Variants in PSMD13 observed in about 807,000 individuals in gnomAD.
PSMD13 encodes the protein proteasome 26S subunit, non-ATPase 13, also known as 26S proteasome non-ATPase regulatory subunit 13.
Under a neutral mutation model 57.4 loss-of-function variants are expected in PSMD13, and 8 were observed. That is an observed-to-expected ratio of 0.14 (90% CI 0.08 to 0.25). The LOEUF (loss-of-function observed/expected upper bound fraction) is 0.25. Among genes scored for constraint, PSMD13 ranks in the 10% least tolerant of loss-of-function variants. The probability of loss-of-function intolerance (pLI) is 1.00; values close to 1 mark genes in which losing one functional copy is unlikely to be tolerated. For missense variants in PSMD13, 400 were observed against 461.5 expected (o/e 0.87, Z 1.22); for synonymous variants, 193 against 168.2 (o/e 1.15, Z -1.14).
chr11:250,037 G>GA (rs375185302), intron 9 of PSMD13, among the ~76,000 whole-genome samples: 159 of 144,176 alleles, frequency 1.1e-3, no homozygotes, highest in Admixed American at 1.8e-3. Context: ...GCAATTTAAA[G>GA]AAAAAAAAAA....
At position 251,772 on chromosome 11, in the gene PSMD13, G is replaced by A. The variant is rs754581407; in HGVS notation, c.919-48G>A. Reference sequence around the variant, plus strand: ...TCTCACAAGCCATCTGGGTCCATGGGGGTGTGTCAGGCTATCTTGTCTTAC... The same window carrying A: ...TCTCACAAGCCATCTGGGTCCATGGAGGTGTGTCAGGCTATCTTGTCTTAC... On this transcript the variant is annotated intron_variant, in intron 11 of 12. Coordinates refer to ENST00000532097, the MANE Select transcript of PSMD13 (RefSeq NM_002817.4). The surrounding 1 kb of genome is among the most constrained non-coding windows in gnomAD (Gnocchi z 4.6). 16 of 1,581,072 alleles carry A rather than the reference G, an allele frequency of 1.0e-5. No homozygotes were observed. In the South Asian group the frequency reaches 1.8e-4, roughly 18 times the overall value.
At position 252,684 on chromosome 11, in the gene PSMD13, G is replaced by A. The variant is rs1859791761; in HGVS notation, c.*84G>A. On this transcript the variant is annotated 3_prime_UTR_variant, in exon 13 of 13. Coordinates refer to ENST00000532097, the MANE Select transcript of PSMD13 (RefSeq NM_002817.4). This position sits in a 1 kb window ranked among gnomAD's most constrained non-coding sequence, Gnocchi z 4.1. ...AATGAAGCTGGCTGCTCAGACGGTC[G>A]ACATTGAATTTGGGTGGGGGTTGGG... 5.4e-5 allele frequency: 71 copies of A among 1,315,390 alleles called. No homozygotes were observed. Among genetic ancestry groups the A allele is most frequent in the Middle Eastern group, 2.4e-4 (1 of 4,184 alleles). The allele number at this position is 1,315,390 out of a possible 1,614,324, so 81.5% of individuals were successfully genotyped here.
In PSMD13 at chr11:251,655, G is replaced by T. The variant is rs1453464392; in HGVS notation, c.918+29G>T. The T allele has an allele frequency of 1.3e-6, 2 of 1,594,296 alleles. No individual in the cohort carries two copies. Among genetic ancestry groups the T allele is most frequent in the Non-Finnish European group, 1.7e-6 (2 of 1,163,678 alleles). ...CGGTCCCTAGGCTCAGGGTGTTAGA[G>T]CAGCAAAGCTGCCACATGGAGGAGT... On this transcript the variant is annotated intron_variant, in intron 11 of 12. Transcript: ENST00000532097. The surrounding 1 kb of genome is among the most constrained non-coding windows in gnomAD (Gnocchi z 4.6).
In PSMD13 at chr11:244,198, G is replaced by A. The variant is rs1454518657; in HGVS notation, c.247G>A (p.Val83Ile). 8.1e-6 allele frequency: 13 copies of A among 1,610,338 alleles called. No homozygotes were observed. The highest frequency in any genetic ancestry group is 2.7e-5 in the African/African-American group (2 of 74,798). The change falls in exon 4 of 13, where the codon GTA (valine) becomes ATA (isoleucine). Residue 83 changes from valine to isoleucine, a missense_variant. Coordinates refer to ENST00000532097, the MANE Select transcript of PSMD13 (RefSeq NM_002817.4). ...PLSLVEIILH[V>I]VRQMTDPNVA... is the part of the protein sequence containing the mutation. The stretch of plus-strand genomic sequence containing the variant: ...GTCCCTCGTGGAAATCATTCTTCAT[G>A]TAGTTAGACAGATGACTGGTAAGTC...
Position 247,392 on chromosome 11 carries a change from C to T in PSMD13, c.512C>T (p.Ser171Phe). The T allele has an allele frequency of 1.9e-6, 3 of 1,614,130 alleles. No homozygotes were observed. The highest frequency in any genetic ancestry group is 2.5e-6 in the Non-Finnish European group (3 of 1,179,998). Residue 171 changes from serine (S) to phenylalanine (F), a missense_variant, in exon 7 of 13, where the codon TCC (serine) becomes TTC (phenylalanine). By Grantham distance (155) the Ser-to-Phe change is radical. Transcript: ENST00000532097. Reference protein sequence around the residue: ...KYYQTIGNHASYYKDALRFLG... With the variant: ...KYYQTIGNHAFYYKDALRFLG... Reference sequence around the variant, plus strand: ...TATCAAACAATCGGAAACCACGCGTCCTACTACAAAGATGCTCTGCGGTTT... The same window carrying T: ...TATCAAACAATCGGAAACCACGCGTTCTACTACAAAGATGCTCTGCGGTTT...
chr11:252,463 C>G lies in PSMD13; in HGVS notation c.1036-42C>G, dbSNP rs553415647. On this transcript the variant is annotated intron_variant, in intron 12 of 12. Coordinates refer to ENST00000532097, the MANE Select transcript of PSMD13 (RefSeq NM_002817.4). The surrounding 1 kb of genome is among the most constrained non-coding windows in gnomAD (Gnocchi z 4.1). ...GTGCCGGCCGCTCGGCCTGTGTCTC[C>G]TGCGTGTCTTAACGTCCCTTGTGTC... is the stretch of plus-strand genomic sequence containing the variant. The G allele has an allele frequency of 3.8e-6, 6 of 1,598,642 alleles. No homozygotes were observed. Among genetic ancestry groups the G allele is most frequent in the Non-Finnish European group, 4.3e-6 (5 of 1,166,234 alleles).
In PSMD13 at chr11:251,406, T is replaced by C. The variant is rs1259381811; in HGVS notation, c.838-140T>C. Reference sequence around the variant, plus strand: ...AAGCTTGTTCTTAACAAGATATATGTCTAATATTAGGAAACTTTTTAGTAT... The same window carrying C: ...AAGCTTGTTCTTAACAAGATATATGCCTAATATTAGGAAACTTTTTAGTAT... On this transcript the variant is annotated intron_variant, in intron 10 of 12. Coordinates refer to ENST00000532097, the MANE Select transcript of PSMD13 (RefSeq NM_002817.4). This position sits in a 1 kb window ranked among gnomAD's most constrained non-coding sequence, Gnocchi z 4.6. 5 of 707,128 alleles carry C rather than the reference T, an allele frequency of 7.1e-6. No individual in the cohort carries two copies. Among genetic ancestry groups the C allele is most frequent in the Non-Finnish European group, 1.2e-5 (5 of 427,744 alleles). 43.8% of individuals were successfully genotyped at this position (707,128 alleles called of 1,614,324 possible). A position where few individuals can be genotyped will look rare whatever the true frequency, so the allele number is the denominator to read the frequency against.
Position 252,350 on chromosome 11 carries a change from C to G in PSMD13, c.1036-155C>G. ...GTGAAAAGAATTAACCCGGCAAGTCCCGTCCCACTCCCCCAGCTCAGAGGT... is the reference window on the plus strand; with the variant it reads ...GTGAAAAGAATTAACCCGGCAAGTCGCGTCCCACTCCCCCAGCTCAGAGGT... On this transcript the variant is annotated intron_variant, in intron 12 of 12. Coordinates refer to ENST00000532097, the MANE Select transcript of PSMD13 (RefSeq NM_002817.4). This position sits in a 1 kb window ranked among gnomAD's most constrained non-coding sequence, Gnocchi z 4.1. The G allele has an allele frequency of 1.5e-6, 1 of 673,182 alleles. No individual in the cohort carries two copies. The highest frequency in any genetic ancestry group is 2.6e-6 in the Non-Finnish European group (1 of 380,700). 41.7% of individuals were successfully genotyped at this position (673,182 alleles called of 1,614,324 possible).
chr11:252,702 G>T lies in PSMD13; in HGVS notation c.*102G>T, dbSNP rs1232881836. ...GACGGTCGACATTGAATTTGGGTGG[G>T]GGTTGGGATCCTGTCTGAAGTACAG... On this transcript the variant is annotated 3_prime_UTR_variant, in exon 13 of 13. Coordinates refer to ENST00000532097, the MANE Select transcript of PSMD13 (RefSeq NM_002817.4). This position sits in a 1 kb window ranked among gnomAD's most constrained non-coding sequence, Gnocchi z 4.1. 1.3e-5 allele frequency: 14 copies of T among 1,107,070 alleles called. 1 individual carries two copies. The highest frequency in any genetic ancestry group is 1.8e-5 in the Non-Finnish European group (13 of 739,790). 68.6% of individuals were successfully genotyped at this position (1,107,070 alleles called of 1,614,324 possible).
At chr11:238,505 A>G (rs1859437680) in intron 1 of PSMD13, among the ~76,000 whole-genome samples, 2 of 152,174 alleles carry the variant, frequency 1.3e-5, no homozygotes, top group Admixed American at 1.3e-4. Flanking sequence ...AGTATCCCTT[A>G]TCAGAAATGC....
rs773191693 is a variant in PSMD13 at position 244,091 on chromosome 11, C to T, written c.209+16C>T. On this transcript the variant is annotated intron_variant, in intron 3 of 12. Transcript: ENST00000532097. Reference sequence around the variant, plus strand: ...TTGAACACAGGTAAAAGCCTCTCATCCGTTTTTCACTTTGAAAATGAGTGC... The same window carrying T: ...TTGAACACAGGTAAAAGCCTCTCATTCGTTTTTCACTTTGAAAATGAGTGC... 1 of 1,609,020 alleles carries T rather than the reference C, an allele frequency of 6.2e-7. No homozygotes were observed. The highest frequency in any genetic ancestry group is 8.5e-7 in the Non-Finnish European group (1 of 1,177,232).
chr11:241,692 T>C (rs1011679294), intron 2 of PSMD13, among the ~76,000 whole-genome samples: 1 of 152,230 alleles, frequency 6.6e-6, no homozygotes, highest in South Asian at 2.1e-4. Flanking sequence ...GTGAGTCTGG[T>C]TCGTTACCCC....
chr11:237,981 G>A lies in PSMD13; in HGVS notation c.95+837G>A, dbSNP rs145486571. On this transcript the variant is annotated intron_variant, in intron 1 of 12. Transcript: ENST00000532097. ...ATGTTTTGATGATGTTTAGCATTCA[G>A]CAGCCTTCTGCTATTAGCAGTTTTT... is the stretch of plus-strand genomic sequence containing the variant. Among the ~76,000 whole-genome samples the A allele has an allele frequency of 1.4e-3, 206 of 152,344 alleles. 2 individuals are homozygous for A. The highest frequency in any genetic ancestry group is 4.8e-3 in the African/African-American group (199 of 41,580).
chr11:237,693 C>T (rs891114502), intron 1 of PSMD13, among the ~76,000 whole-genome samples: 1 of 152,220 alleles, frequency 6.6e-6, no homozygotes, highest in Non-Finnish European at 1.5e-5. Flanking sequence ...GCAACCACTT[C>T]CGCCGTCCCA....
intron 2 of PSMD13, among the ~76,000 whole-genome samples, chr11:239,999 A>T (rs548845463): frequency 6.6e-6 from 1 of 150,542 alleles, no homozygotes; most frequent in East Asian, 2.0e-4. Flanking sequence ...CATCAATTTG[A>T]CATTTTACTA....
At chr11:239,207 T>C (rs1859464245) in intron 2 of PSMD13, 131 bp downstream of exon 2, 1 of 859,398 alleles carries the variant, frequency 1.2e-6, no homozygotes, top group Non-Finnish European at 1.9e-6. Context: ...GGTACTGGTC[T>C]GAGCGCTTCA....
rs1398500247 is a variant in PSMD13 at position 252,155 on chromosome 11, C to G, written c.1035+219C>G. 1.9e-6 allele frequency: 1 copy of G among 534,714 alleles called. No individual in the cohort carries two copies. Among genetic ancestry groups the G allele is most frequent in the Non-Finnish European group, 3.3e-6 (1 of 298,860 alleles). 33.1% of individuals were successfully genotyped at this position (534,714 alleles called of 1,614,324 possible). A position where few individuals can be genotyped will look rare whatever the true frequency, so the allele number is the denominator to read the frequency against. ...TTAAAAGCTTATGATGACAATGGCACTGGTTGTGCTGACGGTGCCTTTTAA... is the reference window on the plus strand; with the variant it reads ...TTAAAAGCTTATGATGACAATGGCAGTGGTTGTGCTGACGGTGCCTTTTAA... On this transcript the variant is annotated intron_variant, in intron 12 of 12. Coordinates refer to ENST00000532097, the MANE Select transcript of PSMD13 (RefSeq NM_002817.4). This position sits in a 1 kb window ranked among gnomAD's most constrained non-coding sequence, Gnocchi z 4.1.
At position 251,257 on chromosome 11, in the gene PSMD13, G is replaced by A. The variant is rs1050736985; in HGVS notation, c.838-289G>A. On this transcript the variant is annotated intron_variant, in intron 10 of 12. Transcript: ENST00000532097. This position sits in a 1 kb window ranked among gnomAD's most constrained non-coding sequence, Gnocchi z 4.6. The stretch of plus-strand genomic sequence containing the variant: ...GTGGCCCTTAGATTTCTGGTTTGCC[G>A]TGGTCACCCCTGGTCAACCCTGGCA... 64 of 462,684 alleles carry A rather than the reference G, an allele frequency of 1.4e-4. No homozygotes were observed. The highest frequency in any genetic ancestry group is 1.9e-4 in the Non-Finnish European group (50 of 258,020). The allele number at this position is 462,684 out of a possible 1,614,324, so 28.7% of individuals were successfully genotyped here.
intron 7 of PSMD13, chr11:247,728 G>C (rs895690996): frequency 4.4e-5 from 11 of 251,322 alleles, no homozygotes; most frequent in Non-Finnish European, 8.5e-5. Flanking sequence ...AGTTACTCAG[G>C]AGTCTGAGGC....
Sources: gnomAD v4.1 joint callset for allele counts (sites outside exome capture counted in the v4.1 genomes callset) on GRCh38, gnomAD v4.1.1 for gene constraint, Gnocchi (gnomAD v3.1) non-coding constraint, MANE v1.5 for transcripts, NCBI Gene and HGNC (gene_info 2026-07-23, HGNC 2026-07-21) for gene names.